The following KAZN variants were observed in gnomAD, a reference collection of about 807,000 sequenced individuals.
KAZN encodes kazrin.
KAZN carries 40 observed loss-of-function variants against 87.4 expected under a neutral mutation model. The ratio of observed to expected loss-of-function variants is 0.46; its 90% CI spans 0.36 to 0.60. The LOEUF is 0.60. Ranked by LOEUF, KAZN falls within the 20% of genes least tolerant of loss-of-function variation. The pLI, the probability that KAZN is intolerant of heterozygous loss-of-function variation, is 0.00. For missense variants in KAZN, 898 were observed against 1,073.9 expected (o/e 0.84, Z 2.29); for synonymous variants, 466 against 458.3 (o/e 1.02, Z -0.22).
intron 1 of KAZN, among the ~76,000 whole-genome samples, chr1:14,055,802 A>G (rs1402653172): frequency 6.6e-6 from 1 of 152,186 alleles, no homozygotes; most frequent in Admixed American, 6.5e-5. Context: ...AATGAATATT[A>G]TTGTTTACAA....
chr1:14,872,501 T>C (rs886200974), intron 1 of KAZN, among the ~76,000 whole-genome samples: 1 of 152,254 alleles, frequency 6.6e-6, no homozygotes. Context: ...CTTTGTAAAC[T>C]GTGAAGTGCT....
intron 1 of KAZN, among the ~76,000 whole-genome samples, chr1:14,837,584 G>T (rs546641857): frequency 6.3e-5 from 8 of 126,382 alleles, no homozygotes; most frequent in Non-Finnish European, 9.8e-5. Flanking sequence ...ACAGGGTCTT[G>T]CTCTGTCACC....
chr1:14,830,987 C>T (rs1647033849), intron 1 of KAZN, among the ~76,000 whole-genome samples: 1 of 152,240 alleles, frequency 6.6e-6, no homozygotes, highest in Admixed American at 6.5e-5. Context: ...CCCTTCTCTA[C>T]CTCTTCATGC....
chr1:13,893,778 A>T, intron 1 of KAZN: 1 of 1,549,752 alleles, frequency 6.5e-7, no homozygotes, highest in Non-Finnish European at 8.7e-7. Flanking sequence ...GTCGTGTGTC[A>T]TGTGCCCAGA....
chr1:14,011,395 A>G (rs994956828), intron 1 of KAZN, among the ~76,000 whole-genome samples: 1 of 152,156 alleles, frequency 6.6e-6, no homozygotes, highest in Non-Finnish European at 1.5e-5. Context: ...TTTCTTCCCC[A>G]GTCTTCACCT....
At chr1:14,762,124 T>C (rs1206391697) in intron 1 of KAZN, among the ~76,000 whole-genome samples, 1 of 152,088 alleles carries the variant, frequency 6.6e-6, no homozygotes, top group Non-Finnish European at 1.5e-5. Context: ...AGAAGTGCTT[T>C]GGTAACCGCT....
At chr1:14,722,907 T>A (rs536996796) in intron 1 of KAZN, among the ~76,000 whole-genome samples, 11 of 152,210 alleles carry the variant, frequency 7.2e-5, no homozygotes, top group Non-Finnish European at 1.2e-4. Context: ...GGGAGGGTCA[T>A]TTGAAGAGTT....
At chr1:14,069,887 G>C (rs1488632667) in intron 1 of KAZN, among the ~76,000 whole-genome samples, 1 of 152,046 alleles carries the variant, frequency 6.6e-6, no homozygotes, top group Non-Finnish European at 1.5e-5. Flanking sequence ...AGAGAGGGAG[G>C]AGGCTGGGTG....
At chr1:14,458,421 T>G (rs1179943698) in intron 2 of KAZN, among the ~76,000 whole-genome samples, 1 of 152,224 alleles carries the variant, frequency 6.6e-6, no homozygotes, top group Non-Finnish European at 1.5e-5. Flanking sequence ...ATTTTTTCCC[T>G]TTCAATTCTT....
intron 1 of KAZN, among the ~76,000 whole-genome samples, chr1:14,847,480 T>C (rs921583620): frequency 2.0e-5 from 3 of 152,214 alleles, no homozygotes; most frequent in Admixed American, 1.3e-4. Flanking sequence ...GCCTGCTGTT[T>C]TGACTCCCAC....
chr1:14,140,387 AATAATAATT>A (rs1645210312), intron 1 of KAZN, among the ~76,000 whole-genome samples: 1 of 152,084 alleles, frequency 6.6e-6, no homozygotes, highest in Non-Finnish European at 1.5e-5. Context: ...TCGCAGGTGT[AATAATAATT>A]ATAATAATTA....
chr1:14,964,860 C>A (rs946304922), intron 2 of KAZN, among the ~76,000 whole-genome samples: 1 of 152,000 alleles, frequency 6.6e-6, no homozygotes, highest in Non-Finnish European at 1.5e-5. Context: ...CATCAGTCTG[C>A]GGTTACAACA....
intron 4 of KAZN, among the ~76,000 whole-genome samples, chr1:15,052,695 G>C (rs1022159125): frequency 2.4e-4 from 36 of 152,158 alleles, no homozygotes; most frequent in African/African-American, 8.2e-4. Flanking sequence ...GTCATCTGCA[G>C]TTCCTCTCCA....
At chr1:14,240,198 A>T (rs1648813624) in intron 2 of KAZN, among the ~76,000 whole-genome samples, 1 of 152,208 alleles carries the variant, frequency 6.6e-6, no homozygotes, top group Non-Finnish European at 1.5e-5. Flanking sequence ...AAACTCACAG[A>T]TCTCAGCCAT....
At chr1:14,971,681 C>CTT (rs1009399616) in intron 2 of KAZN, among the ~76,000 whole-genome samples, 58 of 104,808 alleles carry the variant, frequency 5.5e-4, no homozygotes, top group Non-Finnish European at 6.5e-4. Context: ...TTTTCTTTTT[C>CTT]TTTTTTTTTT....
At chr1:14,098,704 A>T (rs369236268) in intron 1 of KAZN, among the ~76,000 whole-genome samples, 1 of 152,302 alleles carries the variant, frequency 6.6e-6, no homozygotes, top group African/African-American at 2.4e-5. Flanking sequence ...TTCCCTGAGT[A>T]GCTCCACTGG....
At chr1:14,240,982 C>G (rs1448964424) in intron 2 of KAZN, among the ~76,000 whole-genome samples, 1 of 152,246 alleles carries the variant, frequency 6.6e-6, no homozygotes, top group African/African-American at 2.4e-5. Flanking sequence ...TAAACTTCTT[C>G]AAGTCTTCAT....
chr1:14,323,202 T>G (rs1656169305), intron 2 of KAZN, among the ~76,000 whole-genome samples: 1 of 151,974 alleles, frequency 6.6e-6, no homozygotes, highest in Non-Finnish European at 1.5e-5. Flanking sequence ...AACCTAACCA[T>G]ATCACCACAC....
intron 1 of KAZN, among the ~76,000 whole-genome samples, chr1:14,730,171 C>T (rs1026628842): frequency 3.9e-5 from 6 of 152,094 alleles, no homozygotes; most frequent in Non-Finnish European, 7.4e-5. Flanking sequence ...GAAACCTCTG[C>T]CTCCCGGGTT....
Sources: allele counts gnomAD v4.1 joint callset (sites outside exome capture counted in the v4.1 genomes callset), GRCh38; gene constraint gnomAD v4.1.1; transcripts MANE v1.5; gene names NCBI Gene and HGNC (gene_info 2026-07-23, HGNC 2026-07-21).